The following TBC1D4 variants were observed in gnomAD, a reference collection of about 807,000 sequenced individuals.
TBC1D4 encodes TBC1 domain family member 4, also known as TBC (Tre-2, BUB2, CDC16) domain-containing protein.
TBC1D4 carries 121 observed loss-of-function variants against 142.5 expected under a neutral mutation model. The ratio of observed to expected loss-of-function variants is 0.85; its 90% CI spans 0.73 to 0.99. The LOEUF (loss-of-function observed/expected upper bound fraction) is 0.99, where lower values mean the gene tolerates loss of function less well. Among genes scored for constraint, TBC1D4 ranks in the 50% least tolerant of loss-of-function variants. The pLI, the probability that TBC1D4 is intolerant of heterozygous loss-of-function variation, is 0.00. For synonymous variants in TBC1D4, 630 were observed against 628.2 expected (o/e 1.00, Z -0.04); for missense variants, 1,475 against 1,606.6 (o/e 0.92, Z 1.40).
chr13:75,338,478 A>C (rs509352), intron 7 of TBC1D4, among the ~76,000 whole-genome samples: 63,229 of 151,978 alleles, frequency 0.42, 13,906 homozygotes, highest in South Asian at 0.69. Flanking sequence ...AATGGAAGGA[A>C]ATGAAGGAAA....
intron 1 of TBC1D4, among the ~76,000 whole-genome samples, chr13:75,421,026 T>C (rs1593867585): frequency 6.6e-6 from 1 of 152,186 alleles, no homozygotes; most frequent in South Asian, 2.1e-4. Context: ...AAAACATCAC[T>C]CTTTGCTTAA....
chr13:75,409,776 G>C (rs1885520652), intron 1 of TBC1D4, among the ~76,000 whole-genome samples: 1 of 152,286 alleles, frequency 6.6e-6, no homozygotes, highest in Admixed American at 6.5e-5. Flanking sequence ...CTTTAGACAT[G>C]TATGTAATTT....
At chr13:75,424,727 A>G (rs984734059) in intron 1 of TBC1D4, among the ~76,000 whole-genome samples, 4 of 152,352 alleles carry the variant, frequency 2.6e-5, no homozygotes, top group African/African-American at 7.2e-5. Flanking sequence ...ATGGTCAGTT[A>G]ATTTTCAACA....
At chr13:75,398,081 T>C (rs1027516751) in intron 1 of TBC1D4, among the ~76,000 whole-genome samples, 3 of 152,158 alleles carry the variant, frequency 2.0e-5, no homozygotes, top group Non-Finnish European at 4.4e-5. Flanking sequence ...GCCCCAGGTG[T>C]TTGAGCCACT....
chr13:75,338,823 GCTTT>G (rs1251679259), intron 7 of TBC1D4, among the ~76,000 whole-genome samples: 3 of 152,136 alleles, frequency 2.0e-5, no homozygotes, highest in Non-Finnish European at 4.4e-5. Flanking sequence ...ACTCTCGTCT[GCTTT>G]CTTTATTTCC....
At position 75,293,463 on chromosome 13, in the gene TBC1D4, C is replaced by G. The variant is rs1875552707; in HGVS notation, c.3317-1192G>C. Among the ~76,000 whole-genome samples, 3 of 152,162 alleles carry G rather than the reference C, an allele frequency of 2.0e-5. 1 individual carries two copies. In the South Asian group the frequency reaches 6.2e-4, roughly 32 times the overall value. ...CATTTGTTTCTTGAACTCTTGATAT[C>G]AAGCTTCCAAGGGTAAGTAAAAGAG... On this transcript the variant is annotated intron_variant, in intron 18 of 20. Coordinates refer to ENST00000377636, the MANE Select transcript of TBC1D4 (RefSeq NM_014832.5).
intron 1 of TBC1D4, among the ~76,000 whole-genome samples, chr13:75,371,471 A>C (rs913906200): frequency 1.3e-5 from 2 of 152,172 alleles, no homozygotes; most frequent in African/African-American, 4.8e-5. Flanking sequence ...GGGTGATGGG[A>C]GTTTATAGCA....
At chr13:75,470,869 C>A (rs778566986) in intron 1 of TBC1D4, among the ~76,000 whole-genome samples, 23 of 151,858 alleles carry the variant, frequency 1.5e-4, no homozygotes, top group African/African-American at 2.4e-4. Context: ...TGCCTGTAGT[C>A]CCAGATACTT....
chr13:75,405,511 A>G (rs1225515110), intron 1 of TBC1D4, among the ~76,000 whole-genome samples: 2 of 152,124 alleles, frequency 1.3e-5, no homozygotes, highest in Non-Finnish European at 2.9e-5. Context: ...AGTTCAGGCA[A>G]TATGCCCGCC....
In TBC1D4 at chr13:75,299,417, A is replaced by G; in HGVS notation, c.3069T>C (p.Ser1023=). The G allele has an allele frequency of 6.2e-7, 1 of 1,614,048 alleles. No homozygotes were observed. The highest frequency in any genetic ancestry group is 8.5e-7 in the Non-Finnish European group (1 of 1,180,022). The change falls in exon 17 of 21, where the codon AGT becomes AGC. Residue 1023 remains serine (S), a synonymous_variant. Coordinates refer to ENST00000377636, the MANE Select transcript of TBC1D4 (RefSeq NM_014832.5). The stretch of plus-strand genomic sequence containing the variant: ...TCAGCATTTCAAAGGCTTGCTCTTC[A>G]CTCATGTGCAGAAGCAGGACTCCAG... The part of the protein sequence containing the change: ...FVAGVLLLHM[S]EEQAFEMLKF...
intron 18 of TBC1D4, among the ~76,000 whole-genome samples, chr13:75,293,049 G>A (rs1451024981): frequency 5.3e-5 from 8 of 152,152 alleles, no homozygotes; most frequent in Non-Finnish European, 1.2e-4. Flanking sequence ...TAGCTACTCG[G>A]GAGGCTGAGG....
intron 1 of TBC1D4, among the ~76,000 whole-genome samples, chr13:75,410,006 T>C (rs998931827): frequency 6.6e-6 from 1 of 152,234 alleles, no homozygotes; most frequent in African/African-American, 2.4e-5. Flanking sequence ...TCACCAAATT[T>C]GTTTATCTTA....
intron 1 of TBC1D4, among the ~76,000 whole-genome samples, chr13:75,454,771 C>T (rs980131844): frequency 6.6e-6 from 1 of 152,104 alleles, no homozygotes; most frequent in Admixed American, 6.5e-5. Context: ...ACACAAATCC[C>T]CAGTCCTTTT....
chr13:75,386,874 T>G (rs2138281511), intron 1 of TBC1D4, among the ~76,000 whole-genome samples: 1 of 152,310 alleles, frequency 6.6e-6, no homozygotes, highest in East Asian at 1.9e-4. Flanking sequence ...TGTGATCTCC[T>G]TTTTGTGCTT....
chr13:75,455,135 A>G (rs993233963), intron 1 of TBC1D4, among the ~76,000 whole-genome samples: 4 of 152,150 alleles, frequency 2.6e-5, no homozygotes, highest in African/African-American at 7.2e-5. Context: ...ACACAGCTCA[A>G]TGAGAACTGG....
intron 1 of TBC1D4, among the ~76,000 whole-genome samples, chr13:75,469,273 G>A (rs1888296605): frequency 6.6e-6 from 1 of 152,126 alleles, no homozygotes; most frequent in African/African-American, 2.4e-5. Context: ...ACATGATAAG[G>A]AATTTGCATA....
rs375938758 is a variant in TBC1D4 at position 75,307,998 on chromosome 13, T to C, written c.2594-1527A>G. Among the ~76,000 whole-genome samples, 23 of 152,354 alleles carry C rather than the reference T, an allele frequency of 1.5e-4. No individual in the cohort carries two copies. In the East Asian group the frequency reaches 3.1e-3, roughly 20 times the overall value. ...CTTAGAGTTTTTCTCTAATCTTCTC[T>C]AGATTATTGATCATTTAAAATAATC... On this transcript the variant is annotated intron_variant, in intron 14 of 20. Transcript: ENST00000377636.
Position 75,319,943 on chromosome 13 carries a change from A to G in TBC1D4, c.2222+71T>C, listed in dbSNP as rs373584686. 118 of 1,553,652 alleles carry G rather than the reference A, an allele frequency of 7.6e-5. 1 individual carries two copies. The African/African-American group carries it at 1.6e-3, about 21-fold the overall frequency. ...GGAGACAAACAAAACTGCTTTTTAAACTAAGGATGATGTTCAGTTGGAAGA... is the reference window on the plus strand; with the variant it reads ...GGAGACAAACAAAACTGCTTTTTAAGCTAAGGATGATGTTCAGTTGGAAGA... On this transcript the variant is annotated intron_variant, in intron 12 of 20. Transcript: ENST00000377636.
chr13:75,454,528 T>G (rs528705046), intron 1 of TBC1D4, among the ~76,000 whole-genome samples: 2 of 152,208 alleles, frequency 1.3e-5, no homozygotes, highest in Non-Finnish European at 2.9e-5. Flanking sequence ...CATGCAAAAA[T>G]TGCTTCCAAC....
Sources: gnomAD v4.1 joint callset for allele counts (sites outside exome capture counted in the v4.1 genomes callset) on GRCh38, gnomAD v4.1.1 for gene constraint, MANE v1.5 for transcripts, NCBI Gene and HGNC (gene_info 2026-07-23, HGNC 2026-07-21) for gene names.